Variants in TLK1 observed in about 807,000 individuals in gnomAD.
The protein encoded by TLK1 is tousled like kinase 1.
A neutral mutation model predicts 105.3 loss-of-function variants in TLK1; 24 were observed. The ratio of observed to expected loss-of-function variants is 0.23; its 90% CI spans 0.17 to 0.32. The LOEUF is 0.32. Among genes scored for constraint, TLK1 ranks in the 10% least tolerant of loss-of-function variants. TLK1 has a pLI of 1.00. For synonymous variants in TLK1, 321 were observed against 310.4 expected (o/e 1.03, Z -0.36); for missense variants, 558 against 910.5 (o/e 0.61, Z 4.98).
chr2:171,116,080 GTTAA>G (rs1690413515), intron 2 of TLK1, among the ~76,000 whole-genome samples: 2 of 152,172 alleles, frequency 1.3e-5, no homozygotes, highest in African/African-American at 4.8e-5. Context: ...GCTTATTTCT[GTTAA>G]ATACCAAGAG....
At chr2:171,009,717 A>G (rs941341983) in intron 14 of TLK1, among the ~76,000 whole-genome samples, 1 of 152,216 alleles carries the variant, frequency 6.6e-6, no homozygotes, top group African/African-American at 2.4e-5. Context: ...TATTGTTATT[A>G]TTCTCAGAAG....
At chr2:171,129,830 A>ATAACATAAC (rs1691021104) in intron 1 of TLK1, among the ~76,000 whole-genome samples, 4 of 142,582 alleles carry the variant, frequency 2.8e-5, no homozygotes, top group South Asian at 2.3e-4. Context: ...TAGGTTACCA[A>ATAACATAAC]ATAACATAAC....
chr2:171,087,092 T>A (rs1471979551), intron 2 of TLK1, among the ~76,000 whole-genome samples: 1 of 152,122 alleles, frequency 6.6e-6, no homozygotes, highest in Non-Finnish European at 1.5e-5. Flanking sequence ...GTCTCCAAAG[T>A]CACTGTAATG....
At chr2:171,052,982 C>A (rs905396563) in intron 8 of TLK1, among the ~76,000 whole-genome samples, 1 of 152,216 alleles carries the variant, frequency 6.6e-6, no homozygotes, top group Non-Finnish European at 1.5e-5. Flanking sequence ...GAGTTTCAGG[C>A]ATTAGTACTT....
At chr2:171,083,775 C>T (rs1355611054) in intron 2 of TLK1, among the ~76,000 whole-genome samples, 3 of 152,152 alleles carry the variant, frequency 2.0e-5, no homozygotes, top group South Asian at 2.1e-4. Flanking sequence ...CCATTGCATA[C>T]ATGCCCAGTA....
At chr2:171,046,152 A>C (rs751501148) in intron 11 of TLK1, 22 bp downstream of exon 11, 2 of 1,497,470 alleles carry the variant, frequency 1.3e-6, no homozygotes, top group East Asian at 4.7e-5. Context: ...TTAAAAAAGA[A>C]AAATTTTAAA....
intron 2 of TLK1, among the ~76,000 whole-genome samples, chr2:171,105,145 C>T (rs1194084110): frequency 1.3e-5 from 2 of 152,150 alleles, no homozygotes; most frequent in Non-Finnish European, 2.9e-5. Context: ...AAAGCAAAAA[C>T]AGACAAACTA....
chr2:171,009,747 G>A (rs993862521), intron 14 of TLK1, among the ~76,000 whole-genome samples: 2 of 152,104 alleles, frequency 1.3e-5, no homozygotes, highest in African/African-American at 4.8e-5. Context: ...AGTCAGACAG[G>A]GATTTAAATA....
At chr2:171,024,861 G>A (rs924329087) in intron 12 of TLK1, among the ~76,000 whole-genome samples, 1 of 152,154 alleles carries the variant, frequency 6.6e-6, no homozygotes, top group African/African-American at 2.4e-5. Context: ...GCAGAGTATG[G>A]CAATAAGTCA....
chr2:171,048,321 T>C (rs1290627351), intron 10 of TLK1, among the ~76,000 whole-genome samples: 1 of 152,242 alleles, frequency 6.6e-6, no homozygotes, highest in African/African-American at 2.4e-5. Flanking sequence ...TTCATATTAA[T>C]TATATAACTG....
At chr2:171,226,116 T>A (rs78654980) in intron 1 of TLK1, among the ~76,000 whole-genome samples, 4,507 of 152,274 alleles carry the variant, frequency 0.03, 241 homozygotes, top group African/African-American at 0.1. Context: ...AATTGCATGT[T>A]AATCTATGGA....
chr2:171,073,880 C>CT (rs1225519408), intron 3 of TLK1, among the ~76,000 whole-genome samples: 1 of 98,348 alleles, frequency 1.0e-5, no homozygotes, highest in African/African-American at 3.0e-5. Context: ...ATTCCCCCCC[C>CT]CCCTCCTTTT....
intron 3 of TLK1, among the ~76,000 whole-genome samples, chr2:171,071,896 T>C (rs999118064): frequency 3.3e-5 from 5 of 152,228 alleles, no homozygotes; most frequent in African/African-American, 9.6e-5. Flanking sequence ...ACTGTAGATA[T>C]ATGGATTGCT....
intron 2 of TLK1, among the ~76,000 whole-genome samples, chr2:171,101,889 A>G (rs1689709698): frequency 6.6e-6 from 1 of 152,210 alleles, no homozygotes; most frequent in African/African-American, 2.4e-5. Flanking sequence ...CAGAAAGATA[A>G]TTTCTCCTTC....
At chr2:171,054,279 G>A (rs1003775792) in intron 7 of TLK1, 2 of 152,414 alleles carry the variant, frequency 1.3e-5, no homozygotes, top group African/African-American at 4.8e-5. Flanking sequence ...TTTTTGTGGT[G>A]TGAATAAAAT....
At chr2:171,065,373 T>C (rs1486868511) in intron 3 of TLK1, among the ~76,000 whole-genome samples, 1 of 152,200 alleles carries the variant, frequency 6.6e-6, no homozygotes. Context: ...GAATATTTCT[T>C]TTTGTTAAAC....
chr2:171,045,426 C>CACCATGTTGGCCAGGCTAG (rs200238000), intron 11 of TLK1: 8 of 135,144 alleles, frequency 5.9e-5, no homozygotes, highest in Non-Finnish European at 9.5e-5. Flanking sequence ...GACGGGGTTT[C>CACCATGTTGGCCAGGCTAG]TCTCTGAGAA....
rs529353985 is a variant in TLK1 at position 171,013,006 on chromosome 2, T to G, written c.1335-1552A>C. Among the ~76,000 whole-genome samples the G allele has an allele frequency of 4.0e-4, 46 of 114,966 alleles. No homozygotes were observed. The South Asian group carries it at 0.021, about 54-fold the overall frequency. The allele number at this position is 114,966 out of a possible 152,430, so 75.4% of individuals were successfully genotyped here. A position where few individuals can be genotyped will look rare whatever the true frequency, so the allele number is the denominator to read the frequency against. The stretch of plus-strand genomic sequence containing the variant: ...TAAATTAGTTTTGTACCATATGCTC[T>G]ATTAGATTTTTTTTTTTTGGAGACA... On this transcript the variant is annotated intron_variant, in intron 13 of 20. Transcript: ENST00000431350.
intron 1 of TLK1, among the ~76,000 whole-genome samples, chr2:171,214,755 C>G (rs1038485482): frequency 6.6e-6 from 1 of 152,222 alleles, no homozygotes; most frequent in Non-Finnish European, 1.5e-5. Context: ...ATTAATCAAT[C>G]AGTCATAAGC....
Sources: allele counts gnomAD v4.1 joint callset (sites outside exome capture counted in the v4.1 genomes callset), GRCh38; gene constraint gnomAD v4.1.1; transcripts MANE v1.5; gene names NCBI Gene and HGNC (gene_info 2026-07-23, HGNC 2026-07-21).